The following CLSTN2 variants were observed in gnomAD, a reference collection of about 807,000 sequenced individuals.
CLSTN2 encodes calsyntenin 2.
A neutral mutation model predicts 101.2 loss-of-function variants in CLSTN2; 48 were observed. The observed-to-expected ratio is 0.47, with a 90% confidence interval of 0.38 to 0.60. The LOEUF is 0.60. Among genes scored for constraint, CLSTN2 ranks in the 20% least tolerant of loss-of-function variants. The pLI is 0.00. For missense variants in CLSTN2, 1,160 were observed against 1,238.2 expected (o/e 0.94, Z 0.95); for synonymous variants, 481 against 463.6 (o/e 1.04, Z -0.48).
At chr3:140,387,472 G>A (rs1364102539) in intron 2 of CLSTN2, among the ~76,000 whole-genome samples, 2 of 152,166 alleles carry the variant, frequency 1.3e-5, no homozygotes. Flanking sequence ...TCCTATTTGC[G>A]ATAAATTGCA....
intron 15 of CLSTN2, among the ~76,000 whole-genome samples, chr3:140,563,613 C>A (rs1245820527): frequency 6.6e-6 from 1 of 152,162 alleles, no homozygotes; most frequent in East Asian, 1.9e-4. Context: ...TCTGTTTCTA[C>A]TAAACTCTAC....
chr3:140,224,675 T>C (rs913544779), intron 2 of CLSTN2, among the ~76,000 whole-genome samples: 6 of 152,178 alleles, frequency 3.9e-5, no homozygotes, highest in Non-Finnish European at 7.4e-5. Context: ...CATGGAGTCT[T>C]ACATAATAAT....
At chr3:140,233,937 T>C (rs1229191860) in intron 2 of CLSTN2, among the ~76,000 whole-genome samples, 1 of 152,234 alleles carries the variant, frequency 6.6e-6, no homozygotes, top group Non-Finnish European at 1.5e-5. Flanking sequence ...GATTTATGTA[T>C]TGTTTATGAC....
chr3:140,380,321 C>G (rs1048000248), intron 2 of CLSTN2, among the ~76,000 whole-genome samples: 1 of 152,182 alleles, frequency 6.6e-6, no homozygotes, highest in African/African-American at 2.4e-5. Context: ...TGGGTTAGCC[C>G]TGTTCCCTGA....
intron 1 of CLSTN2, among the ~76,000 whole-genome samples, chr3:139,946,357 C>T (rs1560050488): frequency 6.6e-6 from 1 of 152,146 alleles, no homozygotes; most frequent in Non-Finnish European, 1.5e-5. Context: ...AAAAGGTACC[C>T]CAGCAACTCT....
Position 140,332,419 on chromosome 3 carries a change from T to G in CLSTN2, c.233-71210T>G, listed in dbSNP as rs368687594. On this transcript the variant is annotated intron_variant, in intron 2 of 16. Transcript: ENST00000458420. ...CAATGCTGCAAGCAGCAGGAAGACA[T>G]GCCAGCTGTTCAGCAAGGGCTTTGT... 1.3e-3 allele frequency among the ~76,000 whole-genome samples: 199 copies of G among 152,380 alleles called. 1 individual carries two copies. The highest frequency in any genetic ancestry group is 4.7e-3 in the African/African-American group (195 of 41,600).
intron 1 of CLSTN2, among the ~76,000 whole-genome samples, chr3:140,167,257 A>G (rs978909641): frequency 6.6e-6 from 1 of 152,166 alleles, no homozygotes; most frequent in Non-Finnish European, 1.5e-5. Flanking sequence ...AACTATTTAC[A>G]TTTCCCCCAA....
In CLSTN2 at chr3:140,459,415, C is replaced by T. The variant is rs532827345; in HGVS notation, c.974-106C>T. On this transcript the variant is annotated intron_variant, in intron 6 of 16. Transcript: ENST00000458420. ...CACATAGCTCATGGTTAGGCACAGA[C>T]GTCTCTGAGTAAGTACACTGAGTAG... The T allele has an allele frequency of 8.0e-5, 102 of 1,281,076 alleles. 1 individual carries two copies. In the African/African-American group the frequency reaches 8.6e-4, roughly 11 times the overall value. The allele number at this position is 1,281,076 out of a possible 1,614,324, so 79.4% of individuals were successfully genotyped here.
rs570648593 is a variant in CLSTN2 at position 140,329,871 on chromosome 3, A to G, written c.233-73758A>G. Among the ~76,000 whole-genome samples, 21 of 152,342 alleles carry G rather than the reference A, an allele frequency of 1.4e-4. No individual in the cohort carries two copies. The East Asian group carries it at 4.1e-3, about 29-fold the overall frequency. On this transcript the variant is annotated intron_variant, in intron 2 of 16. Coordinates refer to ENST00000458420, the MANE Select transcript of CLSTN2 (RefSeq NM_022131.3). ...AGTCATAAAATATTAAAAGTTAAGT[A>G]ATTCAATGTTACTCAAGAGCCAGGG...
At chr3:140,432,685 G>T (rs553738282) in intron 5 of CLSTN2, among the ~76,000 whole-genome samples, 31 of 152,284 alleles carry the variant, frequency 2.0e-4, no homozygotes, top group South Asian at 1.0e-3. Flanking sequence ...TTAAAGAGCT[G>T]CCAGATAAAA....
chr3:140,036,334 T>C (rs1031589852), intron 1 of CLSTN2, among the ~76,000 whole-genome samples: 7 of 152,176 alleles, frequency 4.6e-5, no homozygotes, highest in African/African-American at 1.4e-4. Context: ...CCCAAATCCA[T>C]ATAGTGATTT....
intron 1 of CLSTN2, among the ~76,000 whole-genome samples, chr3:140,030,784 G>A (rs1191451405): frequency 2.0e-5 from 3 of 152,182 alleles, no homozygotes; most frequent in Non-Finnish European, 2.9e-5. Flanking sequence ...ATTAAAAAAC[G>A]CATGCCCAAC....
At chr3:140,156,852 A>C (rs1376703259) in intron 1 of CLSTN2, among the ~76,000 whole-genome samples, 1 of 151,570 alleles carries the variant, frequency 6.6e-6, no homozygotes, top group East Asian at 1.9e-4. Flanking sequence ...CTCCCTCCTT[A>C]CTTTCCCTCA....
intron 5 of CLSTN2, among the ~76,000 whole-genome samples, chr3:140,428,812 T>A (rs1453104799): frequency 6.6e-6 from 1 of 152,200 alleles, no homozygotes; most frequent in Admixed American, 6.5e-5. Context: ...TGCGTCAAAT[T>A]GTCTGCACTG....
At chr3:140,384,082 C>T (rs181288747) in intron 2 of CLSTN2, among the ~76,000 whole-genome samples, 61 of 152,256 alleles carry the variant, frequency 4.0e-4, no homozygotes, top group Non-Finnish European at 7.2e-4. Flanking sequence ...CAACCTTTCA[C>T]GTTTACATTG....
chr3:140,239,825 T>A (rs774307570), intron 2 of CLSTN2, among the ~76,000 whole-genome samples: 2 of 152,058 alleles, frequency 1.3e-5, no homozygotes, highest in Non-Finnish European at 2.9e-5. Flanking sequence ...ATGATTTCAA[T>A]GATAAAATAT....
chr3:140,279,095 A>G (rs2086822113), intron 2 of CLSTN2, among the ~76,000 whole-genome samples: 2 of 152,320 alleles, frequency 1.3e-5, no homozygotes, highest in Non-Finnish European at 2.9e-5. Context: ...ATCATGCAGC[A>G]AGTATATTTG....
At chr3:140,401,260 T>G (rs552617062) in intron 2 of CLSTN2, among the ~76,000 whole-genome samples, 19 of 152,380 alleles carry the variant, frequency 1.2e-4, no homozygotes, top group Non-Finnish European at 1.9e-4. Context: ...TAGGTTTTGA[T>G]GAAAACAAAG....
intron 7 of CLSTN2, 46 bp from the exon 8 acceptor site, chr3:140,466,564 G>A (rs750872976): frequency 1.2e-6 from 2 of 1,612,832 alleles, no homozygotes; most frequent in South Asian, 2.2e-5. Context: ...GGTGGAGGCT[G>A]ACACAGGGGT....
Sources: gnomAD v4.1 joint callset for allele counts (sites outside exome capture counted in the v4.1 genomes callset) on GRCh38, gnomAD v4.1.1 for gene constraint, MANE v1.5 for transcripts, NCBI Gene and HGNC (gene_info 2026-07-23, HGNC 2026-07-21) for gene names.